Variants in PPP1R14C observed in about 807,000 individuals in gnomAD.
PPP1R14C encodes protein phosphatase 1 regulatory subunit 14C.
A neutral mutation model predicts 20.4 loss-of-function variants in PPP1R14C; 16 were observed. The ratio of observed to expected loss-of-function variants is 0.78; its 90% CI spans 0.53 to 1.19. The LOEUF is 1.19. PPP1R14C is among the 50% of genes most tolerant of loss of function. The pLI is 0.00. For missense variants in PPP1R14C, 211 were observed against 220.1 expected (o/e 0.96, Z 0.26); for synonymous variants, 91 against 91.0 (o/e 1.00, Z 0.00).
chr6:150,173,336 CT>C (rs35007857), intron 1 of PPP1R14C, among the ~76,000 whole-genome samples: 5,006 of 150,004 alleles, frequency 0.033, 185 homozygotes, highest in East Asian at 0.11. Context: ...TATCCTTACC[CT>C]TTTTTTTTTC....
Position 150,143,088 on chromosome 6 carries a change from G to A in PPP1R14C, c.-105G>A. 1 of 1,122,830 alleles carries A rather than the reference G, an allele frequency of 8.9e-7. No individual in the cohort carries two copies. Among genetic ancestry groups the A allele is most frequent in the East Asian group, 5.9e-5 (1 of 17,088 alleles). The allele number at this position is 1,122,830 out of a possible 1,614,324, so 69.6% of individuals were successfully genotyped here. ...GCGCGCGCGGCGCAGAGCAGGTGCC[G>A]GGGAGCCCTTCGCATGCGGCTGCCG... On this transcript the variant is annotated 5_prime_UTR_variant, in exon 1 of 4. Coordinates refer to ENST00000361131, the MANE Select transcript of PPP1R14C (RefSeq NM_030949.3). The surrounding 1 kb of genome is among the most constrained non-coding windows in gnomAD (Gnocchi z 5.6).
chr6:150,147,983 T>A (rs1237072978), intron 1 of PPP1R14C, among the ~76,000 whole-genome samples: 1 of 152,208 alleles, frequency 6.6e-6, no homozygotes, highest in Admixed American at 6.5e-5. Context: ...TACCACTTAA[T>A]CTTACTGTAT....
intron 1 of PPP1R14C, among the ~76,000 whole-genome samples, chr6:150,193,262 G>A (rs993309266): frequency 2.0e-5 from 3 of 151,854 alleles, no homozygotes; most frequent in Non-Finnish European, 4.4e-5. Context: ...AAGAAAAAGA[G>A]GAGGAAAAAG....
At chr6:150,191,925 T>C (rs1777750921) in intron 1 of PPP1R14C, among the ~76,000 whole-genome samples, 2 of 152,146 alleles carry the variant, frequency 1.3e-5, no homozygotes, top group African/African-American at 2.4e-5. Flanking sequence ...GAGGTGTAGA[T>C]AGGGAAAGAA....
chr6:150,248,920 C>G lies in PPP1R14C; in HGVS notation c.*100C>G. 5.0e-6 allele frequency: 3 copies of G among 605,518 alleles called. No homozygotes were observed. Among genetic ancestry groups the G allele is most frequent in the Non-Finnish European group, 8.1e-6 (3 of 369,140 alleles). The allele number at this position is 605,518 out of a possible 1,614,324, so 37.5% of individuals were successfully genotyped here. A position where few individuals can be genotyped will look rare whatever the true frequency, so the allele number is the denominator to read the frequency against. ...AAAGAATAGGTGTCCTTATGAACAA[C>G]GTTTTTGTTTTTTTTTTTTTCTTTT... On this transcript the variant is annotated 3_prime_UTR_variant, in exon 4 of 4. Transcript: ENST00000361131.
intron 3 of PPP1R14C, among the ~76,000 whole-genome samples, chr6:150,244,373 GCACATTCT>G (rs1257709368): frequency 4.6e-5 from 7 of 152,312 alleles, no homozygotes; most frequent in Admixed American, 1.3e-4. Flanking sequence ...CTTCTGAACA[GCACATTCT>G]CTTGGGTTTT....
In PPP1R14C at chr6:150,143,122, GT is replaced by G. The variant is rs1373419397; in HGVS notation, c.-70del. 4.9e-5 allele frequency: 57 copies of G among 1,172,872 alleles called. No homozygotes were observed. Among genetic ancestry groups the G allele is most frequent in the Non-Finnish European group, 6.0e-5 (57 of 953,742 alleles). The allele number at this position is 1,172,872 out of a possible 1,614,324, so 72.7% of individuals were successfully genotyped here. ...TTCGCATGCGGCTGCCGGGCCGGAG[GT>G]GGTAGCGGCGCCGGGCGCGCTCCGC... On this transcript the variant is annotated 5_prime_UTR_variant, in exon 1 of 4. An upstream open reading frame in the 5' UTR loses its in-frame stop. Coordinates refer to ENST00000361131, the MANE Select transcript of PPP1R14C (RefSeq NM_030949.3). This position sits in a 1 kb window ranked among gnomAD's most constrained non-coding sequence, Gnocchi z 5.6.
At chr6:150,170,604 G>T (rs1257550848) in intron 1 of PPP1R14C, among the ~76,000 whole-genome samples, 1 of 152,124 alleles carries the variant, frequency 6.6e-6, no homozygotes, top group Admixed American at 6.5e-5. Context: ...TTACAGGCGT[G>T]AGCCACTGCG....
At chr6:150,199,578 T>A (rs1034058591) in intron 1 of PPP1R14C, among the ~76,000 whole-genome samples, 37 of 152,022 alleles carry the variant, frequency 2.4e-4, no homozygotes, top group African/African-American at 8.7e-4. Context: ...AAGAAAAAAA[T>A]TTCTGTTCAT....
At chr6:150,246,626 T>C (rs1778495906) in intron 3 of PPP1R14C, among the ~76,000 whole-genome samples, 1 of 152,212 alleles carries the variant, frequency 6.6e-6, no homozygotes, top group Non-Finnish European at 1.5e-5. Flanking sequence ...GATTAAAATA[T>C]TTAAGTCACT....
intron 1 of PPP1R14C, among the ~76,000 whole-genome samples, chr6:150,179,414 G>A (rs1777596072): frequency 7.7e-6 from 1 of 129,224 alleles, no homozygotes; most frequent in Non-Finnish European, 1.6e-5. Flanking sequence ...AAGAGAGAGA[G>A]AGAGAAAGAA....
chr6:150,228,101 G>C (rs1302684120), intron 3 of PPP1R14C, among the ~76,000 whole-genome samples: 1 of 152,134 alleles, frequency 6.6e-6, no homozygotes, highest in Non-Finnish European at 1.5e-5. Flanking sequence ...CTCTACTTTA[G>C]AATATTTATA....
intron 1 of PPP1R14C, chr6:150,195,009 A>G: frequency 1.0e-6 from 1 of 985,164 alleles, no homozygotes; most frequent in Non-Finnish European, 1.2e-6. Flanking sequence ...TTTGTACTTT[A>G]CTTACATACC....
At chr6:150,227,187 A>G (rs1778240332) in intron 3 of PPP1R14C, among the ~76,000 whole-genome samples, 1 of 152,228 alleles carries the variant, frequency 6.6e-6, no homozygotes, top group African/African-American at 2.4e-5. Flanking sequence ...TGGTATTTAC[A>G]ATACAGGAAA....
chr6:150,194,284 C>A (rs1181453008), intron 1 of PPP1R14C, among the ~76,000 whole-genome samples: 2 of 152,168 alleles, frequency 1.3e-5, no homozygotes, highest in East Asian at 3.8e-4. Context: ...ATCCCTCTTC[C>A]ATTTCTGTTA....
At chr6:150,234,848 C>CAAAAAAAAAAAAAAAAA (rs56139981) in intron 3 of PPP1R14C, among the ~76,000 whole-genome samples, 3 of 41,834 alleles carry the variant, frequency 7.2e-5, no homozygotes, top group African/African-American at 1.0e-4. Flanking sequence ...GACTCTGTCT[C>CAAAAAAAAAAAAAAAAA]AAAAAAAAAA....
chr6:150,179,703 CT>C (rs202144184), intron 1 of PPP1R14C, among the ~76,000 whole-genome samples: 1 of 151,576 alleles, frequency 6.6e-6, no homozygotes, highest in Non-Finnish European at 1.5e-5. Flanking sequence ...ACATAAATAA[CT>C]TTTTTTTCCA....
At chr6:150,238,899 G>A (rs1778399677) in intron 3 of PPP1R14C, among the ~76,000 whole-genome samples, 1 of 152,106 alleles carries the variant, frequency 6.6e-6, no homozygotes, top group Admixed American at 6.5e-5. Flanking sequence ...TTAAATACGG[G>A]ACCATGTAAA....
chr6:150,154,266 A>G (rs532142640), intron 1 of PPP1R14C, among the ~76,000 whole-genome samples: 4 of 152,364 alleles, frequency 2.6e-5, no homozygotes, highest in African/African-American at 9.6e-5. Flanking sequence ...GGCTTCAGGA[A>G]TGAATAAGCC....
Sources: gnomAD v4.1 joint callset for allele counts (sites outside exome capture counted in the v4.1 genomes callset) on GRCh38, gnomAD v4.1.1 for gene constraint, Gnocchi (gnomAD v3.1) non-coding constraint, MANE v1.5 for transcripts, NCBI Gene and HGNC (gene_info 2026-07-23, HGNC 2026-07-21) for gene names.